Variants in CDH18 observed in about 807,000 individuals in gnomAD.
CDH18 encodes the protein cadherin 18, also known as cadherin-18.
CDH18 carries 31 observed loss-of-function variants against 67.9 expected under a neutral mutation model. The ratio of observed to expected loss-of-function variants is 0.46; its 90% CI spans 0.34 to 0.62. CDH18 has a LOEUF of 0.62. CDH18 is among the 20% of genes least tolerant of loss of function. CDH18 has a pLI of 0.01. For synonymous variants in CDH18, 362 were observed against 347.2 expected (o/e 1.04, Z -0.48); for missense variants, 890 against 975.5 (o/e 0.91, Z 1.17).
At chr5:20,508,365 A>ATATATG (rs1460774064) in intron 1 of CDH18, among the ~76,000 whole-genome samples, 5 of 122,670 alleles carry the variant, frequency 4.1e-5, no homozygotes, top group Non-Finnish European at 8.6e-5. Context: ...ATATATATAT[A>ATATATG]TGTATATTTA....
intron 2 of CDH18, among the ~76,000 whole-genome samples, chr5:20,018,113 G>A (rs1348253263): frequency 2.0e-5 from 3 of 152,140 alleles, no homozygotes; most frequent in African/African-American, 7.2e-5. Flanking sequence ...ATAGGGTGAG[G>A]TAGGTACTAT....
At chr5:20,338,086 A>C (rs938123821) in intron 1 of CDH18, among the ~76,000 whole-genome samples, 2 of 152,180 alleles carry the variant, frequency 1.3e-5, no homozygotes, top group African/African-American at 4.8e-5. Flanking sequence ...TGATTCAGTT[A>C]CCTACCACTG....
At chr5:19,763,749 T>A (rs1347381198) in intron 3 of CDH18, among the ~76,000 whole-genome samples, 1 of 152,030 alleles carries the variant, frequency 6.6e-6, no homozygotes, top group Non-Finnish European at 1.5e-5. Flanking sequence ...AAGCCTGTAA[T>A]ACCTCAAAGT....
At chr5:19,992,169 T>C (rs943435915), upstream of CDH18, among the ~76,000 whole-genome samples, 9 of 152,124 alleles carry the variant, frequency 5.9e-5, no homozygotes, top group African/African-American at 2.2e-4. Flanking sequence ...AATAATTAGA[T>C]CCATGTGTTC....
intron 1 of CDH18, among the ~76,000 whole-genome samples, chr5:20,550,703 A>C (rs1053008512): frequency 6.6e-6 from 1 of 152,210 alleles, no homozygotes; most frequent in Non-Finnish European, 1.5e-5. Flanking sequence ...AGCCACTTAG[A>C]GCCCACCTGC....
chr5:19,831,249 C>T (rs1780992999), intron 3 of CDH18, among the ~76,000 whole-genome samples: 1 of 151,814 alleles, frequency 6.6e-6, no homozygotes, highest in African/African-American at 2.4e-5. Flanking sequence ...AATCACAAAA[C>T]AAAACAAAAA....
chr5:20,013,954 T>C (rs1737672338), intron 2 of CDH18, among the ~76,000 whole-genome samples: 1 of 152,170 alleles, frequency 6.6e-6, no homozygotes, highest in Admixed American at 6.5e-5. Context: ...ATTTTTAGAT[T>C]GCTTATTAAA....
At chr5:20,212,599 A>C (rs1486000036) in intron 2 of CDH18, among the ~76,000 whole-genome samples, 2 of 152,144 alleles carry the variant, frequency 1.3e-5, no homozygotes, top group Non-Finnish European at 2.9e-5. Flanking sequence ...ACTGCAAGCC[A>C]GAAGAGCGTG....
chr5:20,286,262 A>G (rs1746686614), intron 1 of CDH18, among the ~76,000 whole-genome samples: 1 of 151,654 alleles, frequency 6.6e-6, no homozygotes, highest in Non-Finnish European at 1.5e-5. Context: ...TTTAATGGAG[A>G]CATTTAAGAT....
chr5:19,603,519 T>A (rs1277906150), intron 6 of CDH18, among the ~76,000 whole-genome samples: 1 of 151,996 alleles, frequency 6.6e-6, no homozygotes, highest in Non-Finnish European at 1.5e-5. Flanking sequence ...TAAATATTAT[T>A]GTATATATTT....
intron 7 of CDH18, among the ~76,000 whole-genome samples, chr5:19,579,613 G>A (rs958866562): frequency 1.3e-5 from 2 of 151,438 alleles, no homozygotes; most frequent in Non-Finnish European, 1.5e-5. Context: ...GTTTACTTTT[G>A]TACTCTTAGT....
chr5:20,439,192 A>G (rs1749412797), intron 1 of CDH18, among the ~76,000 whole-genome samples: 1 of 151,554 alleles, frequency 6.6e-6, no homozygotes, highest in Non-Finnish European at 1.5e-5. Flanking sequence ...CTTTTGCACT[A>G]ATCAAATATT....
chr5:19,570,309 T>A (rs1004224989), intron 8 of CDH18, among the ~76,000 whole-genome samples: 1 of 152,174 alleles, frequency 6.6e-6, no homozygotes, highest in Non-Finnish European at 1.5e-5. Flanking sequence ...TTGCATAGTT[T>A]ACCGATCCTC....
In CDH18 at chr5:20,004,255, C is replaced by A. The variant is rs539387749; in HGVS notation, c.-517-12241G>T. On this transcript the variant is annotated intron_variant, in intron 2 of 14. Coordinates refer to the CDH18 transcript ENST00000507958. Reference sequence around the variant, plus strand: ...CCAAGGCTCCAGCAACAGCGCCCCCCACCCGCAAGGGAACCTCCTGTTTTC... The same window carrying A: ...CCAAGGCTCCAGCAACAGCGCCCCCAACCCGCAAGGGAACCTCCTGTTTTC... Among the ~76,000 whole-genome samples, 13 of 152,326 alleles carry A rather than the reference C, an allele frequency of 8.5e-5. 1 individual carries two copies. Among genetic ancestry groups the A allele is most frequent in the South Asian group, 8.3e-4 (4 of 4,828 alleles).
chr5:19,549,291 C>G (rs1198872327), intron 8 of CDH18, among the ~76,000 whole-genome samples: 1 of 152,110 alleles, frequency 6.6e-6, no homozygotes, highest in Non-Finnish European at 1.5e-5. Context: ...GGGACTTCTT[C>G]TCACTCCTGT....
At chr5:20,415,249 T>C (rs1747192708) in intron 1 of CDH18, among the ~76,000 whole-genome samples, 1 of 151,680 alleles carries the variant, frequency 6.6e-6, no homozygotes, top group Admixed American at 6.6e-5. Flanking sequence ...TAGCCATGCA[T>C]GGTGGTGTGT....
At chr5:20,503,042 A>G (rs962244038) in intron 1 of CDH18, among the ~76,000 whole-genome samples, 6 of 152,208 alleles carry the variant, frequency 3.9e-5, no homozygotes, top group African/African-American at 9.6e-5. Flanking sequence ...GAGAAAGCCA[A>G]TTAGGGAACT....
chr5:19,646,703 A>AG (rs1203883073), intron 5 of CDH18, among the ~76,000 whole-genome samples: 2 of 152,166 alleles, frequency 1.3e-5, no homozygotes, highest in Non-Finnish European at 2.9e-5. Flanking sequence ...AAAAATCTAA[A>AG]TGGAATAAAG....
At chr5:20,268,797 A>C (rs1272456827) in intron 1 of CDH18, among the ~76,000 whole-genome samples, 1 of 152,034 alleles carries the variant, frequency 6.6e-6, no homozygotes, top group Non-Finnish European at 1.5e-5. Flanking sequence ...CCTAGGGAAA[A>C]CTCTTCTGGA....
Sources: allele counts gnomAD v4.1 joint callset (sites outside exome capture counted in the v4.1 genomes callset), GRCh38; gene constraint gnomAD v4.1.1; transcripts MANE v1.5; gene names NCBI Gene and HGNC (gene_info 2026-07-23, HGNC 2026-07-21).